The following HUWE1 variants were observed in gnomAD, a reference collection of about 807,000 sequenced individuals.
HUWE1 encodes HECT, UBA and WWE domain containing E3 ubiquitin protein ligase 1, also known as E3 ubiquitin-protein ligase HUWE1.
Under a neutral mutation model 299.4 loss-of-function variants are expected in HUWE1, and 18 were observed. The observed-to-expected ratio is 0.06, with a 90% CI of 0.04 to 0.09. The LOEUF (loss-of-function observed/expected upper bound fraction) is 0.09. Ranked by LOEUF, HUWE1 falls within the 10% of genes least tolerant of loss-of-function variation. HUWE1 has a pLI of 1.00. For synonymous variants in HUWE1, 1,317 were observed against 1,286.1 expected (o/e 1.02, Z -0.51); for missense variants, 1,832 against 3,462.3 (o/e 0.53, Z 11.82).
chrX:53,602,654 G>C lies in HUWE1; in HGVS notation c.2881C>G (p.Pro961Ala). 1 of 1,115,901 alleles carries C rather than the reference G, an allele frequency of 9.0e-7. No homozygotes were observed. Among genetic ancestry groups the C allele is most frequent in the Non-Finnish European group, 1.2e-6 (1 of 811,002 alleles). 92.0% of individuals were successfully genotyped at this position (1,115,901 alleles called of 1,213,427 possible). The change falls in exon 28 of 84, where the codon CCA (proline) becomes GCA (alanine). Residue 961 changes from proline to alanine, a missense_variant. Around this residue, in one of 15 missense-constraint regions of HUWE1, gnomAD observed 658 missense variants for 1,282.6 expected, o/e 0.51. Coordinates refer to ENST00000262854, the MANE Select transcript of HUWE1 (RefSeq NM_031407.7). Reference protein sequence around the residue: ...LLSLCTPNSLPSGCEFGQADM... With the variant: ...LLSLCTPNSLASGCEFGQADM... ...GCCTGGCCAAATTCACACCCAGATG[G>C]TAGGCTGCAAAAAGAGAAATGCTGA...
In HUWE1 at chrX:53,559,512, G is replaced by A. The variant is rs1172414214; in HGVS notation, c.7757C>T (p.Ala2586Val). ...GCTGCTCAGCTGAAGGATGTCAGCA[G>A]CAGCTGAGGGACCAAGCAACCTGTA... is the stretch of plus-strand genomic sequence containing the variant. ...ILQRLLGPSA[A>V]ADILQLSSSL... Residue 2586 changes from alanine to valine, a missense_variant, in exon 57 of 84, where the codon GCT becomes GTT. By Grantham distance (64) the Ala-to-Val change is moderately conservative. Coordinates refer to ENST00000262854, the MANE Select transcript of HUWE1 (RefSeq NM_031407.7). 8.3e-7 allele frequency: 1 copy of A among 1,209,158 alleles called. No individual in the cohort carries two copies. The highest frequency in any genetic ancestry group is 2.2e-5 in the Admixed American group (1 of 45,786).
At chrX:53,658,111 A>C (rs2068837147) in intron 3 of HUWE1, among the ~76,000 whole-genome samples, 1 of 110,196 alleles carries the variant, frequency 9.1e-6, no homozygotes, top group Non-Finnish European at 1.9e-5. Flanking sequence ...AATTTGAAAT[A>C]AAAAACATTT....
In HUWE1 at chrX:53,556,406, T is replaced by TAG. The variant is rs781817477; in HGVS notation, c.8206+974_8206+975dup. 499 of 334,294 alleles carry TAG rather than the reference T, an allele frequency of 1.5e-3. 1 individual carries two copies. Among genetic ancestry groups the TAG allele is most frequent in the Non-Finnish European group, 1.6e-3 (265 of 168,263 alleles). The allele number at this position is 334,294 out of a possible 1,213,427, so 27.5% of individuals were successfully genotyped here. On this transcript the variant is annotated intron_variant, in intron 60 of 83. Coordinates refer to ENST00000262854, the MANE Select transcript of HUWE1 (RefSeq NM_031407.7). ...ACAGACTCTTTTAAAGATCTTTTGC[T>TAG]AGATTAAGGGTACCAAGGCATCTAC...
In HUWE1 at chrX:53,589,757, T is replaced by C. The variant is rs1556977047; in HGVS notation, c.4251A>G (p.Glu1417=). The C allele has an allele frequency of 8.3e-7, 1 of 1,210,714 alleles. No individual in the cohort carries two copies. The highest frequency in any genetic ancestry group is 1.8e-5 in the South Asian group (1 of 56,792). ...GGAACTTCTCTAGACATTTAGCCTC[T>C]TCCTCCTCCTGCTTTTCCCGAGCTT... The part of the protein sequence containing the change: ...ERKAREKQEE[E]EAKCLEKFQD... The change falls in exon 36 of 84, where the codon GAA becomes GAG. Residue 1417 remains glutamate (E), a synonymous_variant. Transcript: ENST00000262854.
intron 4 of HUWE1, among the ~76,000 whole-genome samples, chrX:53,650,768 C>T (rs2068408820): frequency 9.0e-6 from 1 of 111,290 alleles, no homozygotes; most frequent in Admixed American, 9.6e-5. Flanking sequence ...TGGGGGCAAT[C>T]ATGTATGCTG....
At chrX:53,677,305 A>G (rs1211076430) in intron 3 of HUWE1, among the ~76,000 whole-genome samples, 2 of 110,713 alleles carry the variant, frequency 1.8e-5, no homozygotes, top group Non-Finnish European at 3.8e-5. Flanking sequence ...GATGTTCCCT[A>G]AAGTTTCAGA....
chrX:53,675,041 A>G (rs904134291), intron 3 of HUWE1, among the ~76,000 whole-genome samples: 2 of 111,950 alleles, frequency 1.8e-5, no homozygotes, highest in Non-Finnish European at 3.8e-5. Context: ...TTTTATAGAT[A>G]AGAATGGAAA....
intron 49 of HUWE1, 151 bp from the exon 50 acceptor site, chrX:53,565,390 A>G: frequency 7.4e-6 from 4 of 542,976 alleles, no homozygotes; most frequent in Non-Finnish European, 1.2e-5. Flanking sequence ...TTAGAAAAAA[A>G]AAATTTTGAC....
In HUWE1 at chrX:53,683,255, GGAC is replaced by G. The variant is rs782442080; in HGVS notation, c.-163+3012_-163+3014del. 1.2e-4 allele frequency among the ~76,000 whole-genome samples: 13 copies of G among 110,919 alleles called. No individual in the cohort carries two copies. In the East Asian group the frequency reaches 3.7e-3, roughly 32 times the overall value. Reference sequence around the variant, plus strand: ...TATCCACGTAGATGAAGATTAGATGGGACGACAGAATTAGGAGGGGTGTGGGGA... The same window carrying G: ...TATCCACGTAGATGAAGATTAGATGGGACAGAATTAGGAGGGGTGTGGGGA... On this transcript the variant is annotated intron_variant, in intron 2 of 83. Coordinates refer to ENST00000262854, the MANE Select transcript of HUWE1 (RefSeq NM_031407.7).
chrX:53,593,260 A>AG lies in HUWE1; in HGVS notation c.3741+103dup, dbSNP rs1450056128. The stretch of plus-strand genomic sequence containing the variant: ...GCAGCCCTATCTGGGAGTTGGATCC[A>AG]GTGGTTCTTAAATAAGCATGTTATT... On this transcript the variant is annotated intron_variant, in intron 32 of 83. Transcript: ENST00000262854. 4 of 602,004 alleles carry AG rather than the reference A, an allele frequency of 6.6e-6. No individual in the cohort carries two copies. In the African/African-American group the frequency reaches 8.9e-5, roughly 13 times the overall value. 49.6% of individuals were successfully genotyped at this position (602,004 alleles called of 1,213,427 possible). A position where few individuals can be genotyped will look rare whatever the true frequency, so the allele number is the denominator to read the frequency against.
chrX:53,624,505 A>G (rs782108091), intron 19 of HUWE1, 90 bp downstream of exon 19: 14 of 630,938 alleles, frequency 2.2e-5, no homozygotes, highest in Non-Finnish European at 2.6e-5. Context: ...TCAAAAATAA[A>G]TAAGTAAATA....
chrX:53,573,108 C>CT (rs1166958860), intron 47 of HUWE1, among the ~76,000 whole-genome samples: 2 of 111,889 alleles, frequency 1.8e-5, no homozygotes, highest in African/African-American at 6.5e-5. Context: ...ATTACTCTAT[C>CT]AGATTCCTAA....
chrX:53,548,100 T>C lies in HUWE1; in HGVS notation c.10209A>G (p.Lys3403=), dbSNP rs1556924915. ...VKLDNMNVSR[K]GKNSVKSVPV... is the part of the protein sequence containing the mutation. ...GCACTGACTTCACGGAGTTCTTGCC[T>C]TTCCGGCTGACATTCATGTTGTCCA... The change falls in exon 68 of 84, where the codon AAA becomes AAG. Residue 3403 remains lysine (K), a synonymous_variant. Coordinates refer to ENST00000262854, the MANE Select transcript of HUWE1 (RefSeq NM_031407.7). The C allele has an allele frequency of 8.3e-7, 1 of 1,208,515 alleles. No individual in the cohort carries two copies. The highest frequency in any genetic ancestry group is 3.0e-5 in the East Asian group (1 of 33,766).
At chrX:53,683,845 T>TGGGGGGGGGGGGGG in intron 2 of HUWE1, 1 of 191,733 alleles carries the variant, frequency 5.2e-6, no homozygotes, top group Non-Finnish European at 9.6e-6. Flanking sequence ...CCCTAGTCAC[T>TGGGGGGGGGGGGGG]GCCCCCCCAC....
chrX:53,560,475 C>G, intron 55 of HUWE1, 59 bp from the exon 56 acceptor site: 1 of 1,022,188 alleles, frequency 9.8e-7, no homozygotes, highest in Non-Finnish European at 1.4e-6. Context: ...CATGTTTGTT[C>G]AAGCAGAATC....
At chrX:53,585,530 T>C (rs1556972551) in intron 39 of HUWE1, among the ~76,000 whole-genome samples, 1 of 111,522 alleles carries the variant, frequency 9.0e-6, no homozygotes, top group Non-Finnish European at 1.9e-5. Context: ...ACTGGGTTAG[T>C]TATTGTGACT....
At chrX:53,631,662 T>A in intron 9 of HUWE1, 48 bp from the exon 10 acceptor site, 2 of 952,615 alleles carry the variant, frequency 2.1e-6, no homozygotes, top group Non-Finnish European at 3.0e-6. Context: ...CTGAACACTC[T>A]AGCTTCCCCT....
At chrX:53,602,697 A>C in intron 27 of HUWE1, 39 bp from the exon 28 acceptor site, 1 of 677,425 alleles carries the variant, frequency 1.5e-6, no homozygotes, top group East Asian at 3.6e-5. Flanking sequence ...AAATATATAT[A>C]TATATATACT....
At position 53,536,443 on chromosome X, in the gene HUWE1, T is replaced by C. The variant is rs1556913139; in HGVS notation, c.12362A>G (p.Asn4121Ser). The C allele has an allele frequency of 8.3e-7, 1 of 1,210,899 alleles. No homozygotes were observed. The highest frequency in any genetic ancestry group is 1.1e-6 in the Non-Finnish European group (1 of 895,151). ...AGTAAAGTAGCACTCCAGAAGACGG[T>C]TGTCATATACAGCTTTGGCCACAAT... ...GRIVAKAVYDNRLLECYFTRS... is the reference protein window; with the variant it reads ...GRIVAKAVYDSRLLECYFTRS... The change falls in exon 79 of 84, where the codon AAC becomes AGC. Residue 4121 changes from asparagine (N) to serine (S), a missense_variant. Coordinates refer to ENST00000262854, the MANE Select transcript of HUWE1 (RefSeq NM_031407.7).
Sources: allele counts gnomAD v4.1 joint callset (sites outside exome capture counted in the v4.1 genomes callset), GRCh38; gene constraint gnomAD v4.1.1; regional missense constraint gnomAD v4.1.1; transcripts MANE v1.5; gene names NCBI Gene and HGNC (gene_info 2026-07-23, HGNC 2026-07-21).